The following ALS2CL variants were observed in gnomAD, a reference collection of about 807,000 sequenced individuals.
ALS2CL encodes ALS2 C-terminal-like protein.
ALS2CL carries 112 observed loss-of-function variants against 127.9 expected under a neutral mutation model. The observed-to-expected ratio is 0.88, with a 90% CI of 0.75 to 1.02. The LOEUF is 1.02. Among genes scored for constraint, ALS2CL ranks in the 50% least tolerant of loss-of-function variants. The probability of loss-of-function intolerance (pLI) is 0.00; values close to 1 mark genes in which losing one functional copy is unlikely to be tolerated. For missense variants in ALS2CL, 1,174 were observed against 1,236.7 expected, an observed-to-expected ratio of 0.95 and a Z score of 0.76; for synonymous variants, 519 against 527.6, an observed-to-expected ratio of 0.98 and a Z score of 0.22.
intron 14 of ALS2CL, 145 bp downstream of exon 14, chr3:46,680,285 T>G: frequency 1.2e-6 from 1 of 843,840 alleles, no homozygotes; most frequent in Non-Finnish European, 1.8e-6. Context: ...TAGAGCTGGC[T>G]TCCTGCCCAG....
intron 21 of ALS2CL, 96 bp downstream of exon 21, chr3:46,674,470 A>C: frequency 6.8e-7 from 1 of 1,479,370 alleles, no homozygotes; most frequent in Non-Finnish European, 9.2e-7. Context: ...TGGTGGGTAC[A>C]TGAACCTATC....
rs1699327790 is a variant in ALS2CL, at chr3:46,681,391, C to T, written c.1291G>A (p.Val431Met). The T allele has an allele frequency of 1.2e-6, 2 of 1,606,018 alleles. No homozygotes were observed. Among genetic ancestry groups the T allele is most frequent in the South Asian group, 2.2e-5 (2 of 90,672 alleles). Residue 431 changes from valine (V) to methionine (M), a missense_variant, in exon 13 of 26, where the codon GTG (valine) becomes ATG (methionine). Val to Met is a conservative substitution (Grantham distance 21). Transcript: ENST00000318962. This position sits in a 1 kb window ranked among gnomAD's most constrained non-coding sequence, Gnocchi z 4.9. ...YGICEYSTDE[V>M]YKGYFQEGLR... ...CCCTCCTGGAAGTAGCCCTTGTACACCTCGTCGGTGCTGTACCTGGGGAGG... is the reference window on the plus strand; with the variant it reads ...CCCTCCTGGAAGTAGCCCTTGTACATCTCGTCGGTGCTGTACCTGGGGAGG...
At chr3:46,682,322 C>T (rs984449353) in intron 10 of ALS2CL, among the ~76,000 whole-genome samples, 1 of 152,214 alleles carries the variant, frequency 6.6e-6, no homozygotes, top group African/African-American at 2.4e-5. Context: ...TCACCACATC[C>T]CATAAGGAAA....
Position 46,671,985 on chromosome 3 carries a change from G to T in ALS2CL, c.2583C>A (p.Tyr861Ter). 1 of 1,613,850 alleles carries T rather than the reference G, an allele frequency of 6.2e-7. No homozygotes were observed. Among genetic ancestry groups the T allele is most frequent in the Non-Finnish European group, 8.5e-7 (1 of 1,179,986 alleles). Residue 861 changes from tyrosine (Y) to a stop codon, truncating the protein, a stop_gained, in exon 24 of 26, where the codon TAC becomes TAA. Transcript: ENST00000318962. LOFTEE classifies it high-confidence loss of function. ...TCGACACCGTGCCCTCAATTTCCCC[G>T]TATGTCCTCTCCAGCACCTCCAGCT... ...REKLEVLERTYGEIEGTVSRV... is the reference protein window; with the variant it reads ...REKLEVLERT
chr3:46,675,048 C>A, intron 20 of ALS2CL: 1 of 291,628 alleles, frequency 3.4e-6, no homozygotes, highest in Non-Finnish European at 6.4e-6. Flanking sequence ...TCTCAGCAGC[C>A]ATTCCAGGCT....
Position 46,671,882 on chromosome 3 carries a change from A to G in ALS2CL, c.2684+2T>C. ...TGCACCCCCAGCTCCTGACTGCCTC[A>G]CCGGGCGCGCGACACCACGTAGATG... On this transcript the variant is annotated splice_donor_variant, in intron 24 of 25. Transcript: ENST00000318962. LOFTEE classifies it high-confidence loss of function. The G allele has an allele frequency of 6.2e-7, 1 of 1,613,326 alleles. No individual in the cohort carries two copies. Among genetic ancestry groups the G allele is most frequent in the Non-Finnish European group, 8.5e-7 (1 of 1,179,922 alleles).
chr3:46,680,387 T>G (rs755198571), intron 14 of ALS2CL, 43 bp downstream of exon 14: 24 of 1,560,304 alleles, frequency 1.5e-5, no homozygotes, highest in Non-Finnish European at 2.0e-5. Flanking sequence ...CCAGCGGGAG[T>G]GGGGTGCAAA....
At chr3:46,691,676 G>A (rs1700162079) in intron 1 of ALS2CL, among the ~76,000 whole-genome samples, 1 of 151,268 alleles carries the variant, frequency 6.6e-6, no homozygotes, top group Non-Finnish European at 1.5e-5. Context: ...GGTTCAACCA[G>A]ATCACAGCAT....
At chr3:46,683,038 C>T (rs1178437295) in intron 10 of ALS2CL, 92 bp downstream of exon 10, 2 of 1,332,498 alleles carry the variant, frequency 1.5e-6, no homozygotes, top group African/African-American at 1.5e-5. Context: ...GCTCCTGGAA[C>T]ATGTCCTGAG....
chr3:46,680,763 G>A lies in ALS2CL; in HGVS notation c.1437-222C>T, dbSNP rs566404588. On this transcript the variant is annotated intron_variant, in intron 13 of 25. Transcript: ENST00000318962. ...GGAAGGGCATCTGGGAGGCTTCTCC[G>A]TGGAGGTGGCAGGAAGGACAGGGGG... 5.6e-4 allele frequency: 325 copies of A among 576,432 alleles called. 1 individual carries two copies. Among genetic ancestry groups the A allele is most frequent in the African/African-American group, 5.6e-3 (299 of 53,548 alleles). The allele number at this position is 576,432 out of a possible 1,614,324, so 35.7% of individuals were successfully genotyped here.
chr3:46,681,939 G>T lies in ALS2CL; in HGVS notation c.1175+90C>A. The T allele has an allele frequency of 6.9e-7, 1 of 1,457,530 alleles. No individual in the cohort carries two copies. Among genetic ancestry groups the T allele is most frequent in the Non-Finnish European group, 9.4e-7 (1 of 1,058,686 alleles). The allele number at this position is 1,457,530 out of a possible 1,614,324, so 90.3% of individuals were successfully genotyped here. A position where few individuals can be genotyped will look rare whatever the true frequency, so the allele number is the denominator to read the frequency against. Reference sequence around the variant, plus strand: ...TTCCTGCTTGAGGTTTGGGAATTCAGGATGGGGCCGGGCTGGTGACCACAG... The same window carrying T: ...TTCCTGCTTGAGGTTTGGGAATTCATGATGGGGCCGGGCTGGTGACCACAG... On this transcript the variant is annotated intron_variant, in intron 11 of 25. Coordinates refer to ENST00000318962, the MANE Select transcript of ALS2CL (RefSeq NM_147129.5). The surrounding 1 kb of genome is among the most constrained non-coding windows in gnomAD (Gnocchi z 4.9).
At chr3:46,684,273 T>TA (rs1357873361) in intron 7 of ALS2CL, among the ~76,000 whole-genome samples, 3 of 152,288 alleles carry the variant, frequency 2.0e-5, no homozygotes, top group Non-Finnish European at 2.9e-5. Flanking sequence ...AACCAGCCTC[T>TA]AGCCCCCTGT....
At chr3:46,673,733 G>A (rs886398006) in intron 21 of ALS2CL, among the ~76,000 whole-genome samples, 4 of 152,122 alleles carry the variant, frequency 2.6e-5, no homozygotes, top group African/African-American at 9.7e-5. Context: ...GCTGGTGTGG[G>A]GAAGCGACAC....
In ALS2CL at chr3:46,692,156, A is replaced by G. The variant is rs545352893; in HGVS notation, c.-26+1487T>C. 2.0e-5 allele frequency among the ~76,000 whole-genome samples: 3 copies of G among 152,196 alleles called. No individual in the cohort carries two copies. The East Asian group carries it at 5.8e-4, about 29-fold the overall frequency. On this transcript the variant is annotated intron_variant, in intron 1 of 25. Transcript: ENST00000318962. ...TGGGTTGGGGGAAGGCCGCAGTGGA[A>G]GCTGGGATTCTGGTTAGGTGACCCT...
At chr3:46,679,377 ATGT>A in intron 14 of ALS2CL, 90 bp from the exon 15 acceptor site, 2 of 1,137,182 alleles carry the variant, frequency 1.8e-6, no homozygotes, top group Non-Finnish European at 2.6e-6. Context: ...AAGAAGGGAG[ATGT>A]GCCCTGACAC....
At chr3:46,685,844 C>T (rs1364757796) in intron 6 of ALS2CL, among the ~76,000 whole-genome samples, 200 bp from the exon 7 acceptor site, 1 of 152,188 alleles carries the variant, frequency 6.6e-6, no homozygotes, top group Non-Finnish European at 1.5e-5. Context: ...TGTCCCCTCC[C>T]ACACCTCTGT....
rs191042666 is a variant in ALS2CL, at chr3:46,678,615, C to T, written c.1627-226G>A. Among the ~76,000 whole-genome samples, 634 of 152,268 alleles carry T rather than the reference C, an allele frequency of 4.2e-3. 3 individuals are homozygous for T. The highest frequency in any genetic ancestry group is 0.012 in the Admixed American group (176 of 15,302). On this transcript the variant is annotated intron_variant, in intron 15 of 25. Coordinates refer to ENST00000318962, the MANE Select transcript of ALS2CL (RefSeq NM_147129.5). The stretch of plus-strand genomic sequence containing the variant: ...CCACGTCTCAGGGGCTCGCTCACCT[C>T]TGAGGTAGGAAGAGGAGAGAGATGC...
intron 8 of ALS2CL, 67 bp downstream of exon 8, chr3:46,683,922 G>A: frequency 1.2e-6 from 2 of 1,613,380 alleles, no homozygotes; most frequent in South Asian, 1.1e-5. Context: ...AGAGTCCCAG[G>A]GTGTGGGCAG....
chr3:46,677,022 C>A lies in ALS2CL; in HGVS notation c.1758G>T (p.Arg586Ser). ...CGGGGAAGGCACCCACGCCCAGCTG[C>A]CTGCGATGGGGATGGAGGGTGGGTG... The part of the protein sequence containing the change: ...LPPDPSSTCK[R>S]QLGVGAFPVE... Residue 586 changes from arginine (R) to serine (S), a missense_variant and splice_region_variant, in exon 17 of 26, where the codon AGG becomes AGT. By Grantham distance (110) the Arg-to-Ser change is moderately radical (BLOSUM62 -1). Coordinates refer to ENST00000318962, the MANE Select transcript of ALS2CL (RefSeq NM_147129.5). The A allele has an allele frequency of 6.3e-7, 1 of 1,599,582 alleles. No individual in the cohort carries two copies. The highest frequency in any genetic ancestry group is 2.2e-5 in the East Asian group (1 of 44,796).
Sources: allele counts gnomAD v4.1 joint callset (sites outside exome capture counted in the v4.1 genomes callset), GRCh38; gene constraint gnomAD v4.1.1; non-coding constraint Gnocchi (gnomAD v3.1); transcripts MANE v1.5; gene names NCBI Gene and HGNC (gene_info 2026-07-23, HGNC 2026-07-21).